Variants in ZNF185 observed in about 807,000 individuals in gnomAD.
ZNF185 encodes the protein zinc finger protein 185 with LIM domain.
Under a neutral mutation model 58.6 loss-of-function variants are expected in ZNF185, and 56 were observed. The ratio of observed to expected loss-of-function variants is 0.95; its 90% CI spans 0.77 to 1.19. ZNF185 has a LOEUF of 1.19. Among genes scored for constraint, ZNF185 ranks in the 50% most tolerant of loss-of-function variants. The probability of loss-of-function intolerance (pLI) is 0.00; values close to 1 mark genes in which losing one functional copy is unlikely to be tolerated. For missense variants in ZNF185, 627 were observed against 573.5 expected, an observed-to-expected ratio of 1.09 and a Z score of -0.95; for synonymous variants, 230 against 215.9, an observed-to-expected ratio of 1.07 and a Z score of -0.57.
chrX:152,901,864 C>T, the ZNF185 span, among the ~76,000 whole-genome samples: 2 of 111,879 alleles, frequency 1.8e-5, no homozygotes, highest in Non-Finnish European at 3.8e-5. Context: ...GTGGGTATCA[C>T]TCTCAATGTC....
chrX:152,934,815 CCTCTCCTCT>C (rs1569503346), intron 14 of ZNF185, among the ~76,000 whole-genome samples: 5 of 110,196 alleles, frequency 4.5e-5, no homozygotes, highest in African/African-American at 1.7e-4. Flanking sequence ...CTCATCTCAT[CCTCTCCTCT>C]CCTCTCCTCT....
intron 15 of ZNF185, among the ~76,000 whole-genome samples, chrX:152,938,817 G>A (rs942604701): frequency 3.3e-5 from 3 of 90,837 alleles, no homozygotes; most frequent in African/African-American, 8.8e-5. Context: ...ATAGTGCTCC[G>A]AAGAAAACAG....
chrX:152,931,153 C>T (rs912989232), intron 12 of ZNF185, among the ~76,000 whole-genome samples: 2 of 112,332 alleles, frequency 1.8e-5, no homozygotes, highest in South Asian at 3.7e-4. Context: ...GGCACAGTGG[C>T]TCACACCTGT....
intron 11 of ZNF185, among the ~76,000 whole-genome samples, chrX:152,925,383 C>T (rs782135209): frequency 8.9e-6 from 1 of 112,251 alleles, no homozygotes; most frequent in African/African-American, 3.2e-5. Context: ...GGCACTTTGA[C>T]ATTTATTCCA....
rs782397390 is a variant in ZNF185 at position 152,959,789 on chromosome X, A to C, written c.1500A>C (p.Gly500=). Reference sequence around the variant, plus strand: ...CTGGAGCCCCAAGAGGTGGCCAAGGAGACCCAGCTGTACCCACTCAGCAAC... The same window carrying C: ...CTGGAGCCCCAAGAGGTGGCCAAGGCGACCCAGCTGTACCCACTCAGCAAC... The change falls in exon 17 of 23, where the codon GGA becomes GGC. Residue 500 remains glycine, a synonymous_variant. Transcript: ENST00000449285. The C allele has an allele frequency of 6.6e-6, 8 of 1,211,938 alleles. No homozygotes were observed. The East Asian group carries it at 2.4e-4, about 36-fold the overall frequency.
At chrX:152,922,637 T>A in intron 10 of ZNF185, 83 bp from the exon 12 acceptor site, 1 of 921,679 alleles carries the variant, frequency 1.1e-6, no homozygotes, top group Non-Finnish European at 1.5e-6. Flanking sequence ...CTCCTTGCAC[T>A]CCAATAAGTT....
intron 16 of ZNF185, among the ~76,000 whole-genome samples, chrX:152,952,726 G>A (rs1253293916): frequency 9.0e-6 from 1 of 111,372 alleles, no homozygotes; most frequent in East Asian, 2.8e-4. Flanking sequence ...AGGGAAGAGG[G>A]ATGCGGTAGG....
intron 16 of ZNF185, among the ~76,000 whole-genome samples, chrX:152,958,394 CAAGG>C (rs1457342124): frequency 1.8e-5 from 2 of 111,082 alleles, no homozygotes; most frequent in Non-Finnish European, 3.8e-5. Flanking sequence ...GCAGCAGGAA[CAAGG>C]AAGTTCCATT....
At chrX:152,958,193 CAATT>C (rs2066371306) in intron 16 of ZNF185, among the ~76,000 whole-genome samples, 1 of 111,753 alleles carries the variant, frequency 8.9e-6, no homozygotes, top group Non-Finnish European at 1.9e-5. Context: ...TTTCCAGAAG[CAATT>C]AATAGGTTCC....
In ZNF185 at chrX:152,924,416, C is replaced by T. The variant is rs141630008; in HGVS notation, c.830+1607C>T. 2.6e-3 allele frequency among the ~76,000 whole-genome samples: 290 copies of T among 110,537 alleles called. 5 individuals are homozygous for T. In the East Asian group the frequency reaches 0.054, roughly 21 times the overall value. On this transcript the variant is annotated intron_variant, in intron 11 of 22. Coordinates refer to ENST00000449285, the Ensembl canonical transcript of ZNF185. The stretch of plus-strand genomic sequence containing the variant: ...GATTGCAGGCATGAGCCACCGCGCC[C>T]AGACCCTAATCACTTCTTATAAGGA...
At chrX:152,960,005 C>A in intron 17 of ZNF185, 109 bp downstream of exon 19, 2 of 789,470 alleles carry the variant, frequency 2.5e-6, no homozygotes, top group Non-Finnish European at 1.8e-6. Context: ...TTATCCTCTG[C>A]AGGTGAGTGT....
intron 21 of ZNF185, 33 bp from the exon 24 acceptor site, chrX:152,970,410 G>T (rs182488395): frequency 8.5e-7 from 1 of 1,180,907 alleles, no homozygotes; most frequent in East Asian, 3.0e-5. Context: ...GCTTTGCTTT[G>T]TGTGTTGACC....
chrX:152,971,238 G>A (rs2126013581), intron 22 of ZNF185, 36 bp from the exon 25 acceptor site: 1 of 111,415 alleles, frequency 9.0e-6, no homozygotes, highest in South Asian at 3.9e-4. Context: ...TAGCTGATGT[G>A]TTTCCAGTCT....
intron 7 of ZNF185, 88 bp downstream of exon 8, chrX:152,919,169 G>T (rs1293576138): frequency 4.7e-5 from 36 of 761,169 alleles, no homozygotes; most frequent in Non-Finnish European, 6.9e-5. Context: ...GTACTGGTTG[G>T]GGTGACAAAA....
At chrX:152,948,946 G>A in intron 16 of ZNF185, among the ~76,000 whole-genome samples, 1 of 111,956 alleles carries the variant, frequency 8.9e-6, no homozygotes, top group East Asian at 2.8e-4. Context: ...AAGAGGAAGT[G>A]CTTACAGCAT....
At chrX:152,969,821 G>A (rs1193321255) in intron 21 of ZNF185, among the ~76,000 whole-genome samples, 1 of 112,736 alleles carries the variant, frequency 8.9e-6, no homozygotes, top group Non-Finnish European at 1.9e-5. Context: ...TTGCGTGGGA[G>A]AATGCCAGGA....
intron 11 of ZNF185, among the ~76,000 whole-genome samples, chrX:152,925,855 C>T (rs62593810): frequency 0.074 from 8,260 of 112,029 alleles, 311 homozygotes; most frequent in Non-Finnish European, 0.12. Context: ...ACAGACCTAT[C>T]GAGGCTACCC....
intron 15 of ZNF185, among the ~76,000 whole-genome samples, chrX:152,940,554 G>T (rs1294105367): frequency 9.0e-6 from 1 of 111,234 alleles, no homozygotes. Flanking sequence ...GTTAAGATAA[G>T]GGGTTGTGGA....
chrX:152,912,696 G>A (rs782634716), upstream of ZNF185, among the ~76,000 whole-genome samples: 1 of 112,450 alleles, frequency 8.9e-6, no homozygotes, highest in South Asian at 3.7e-4. Context: ...ACCTAAAGAC[G>A]AAAGACTAGG....
Sources: gnomAD v4.1 joint callset for allele counts (sites outside exome capture counted in the v4.1 genomes callset) on GRCh38, gnomAD v4.1.1 for gene constraint, MANE v1.5 for transcripts, NCBI Gene and HGNC (gene_info 2026-07-23, HGNC 2026-07-21) for gene names.